Variants in ALCAM observed in about 807,000 individuals in gnomAD.
The protein encoded by ALCAM is activated leukocyte cell adhesion molecule.
A neutral mutation model predicts 70.9 loss-of-function variants in ALCAM; 30 were observed. The observed-to-expected ratio is 0.42, with a 90% CI of 0.32 to 0.57. The LOEUF (loss-of-function observed/expected upper bound fraction) is 0.57. Ranked by LOEUF, ALCAM falls within the 20% of genes least tolerant of loss-of-function variation. ALCAM has a pLI of 0.11. For synonymous variants in ALCAM, 249 were observed against 242.5 expected (o/e 1.03, Z -0.25); for missense variants, 591 against 695.1 (o/e 0.85, Z 1.68).
intron 1 of ALCAM, among the ~76,000 whole-genome samples, chr3:105,398,347 A>G (rs1170882501): frequency 6.6e-6 from 1 of 152,118 alleles, no homozygotes; most frequent in East Asian, 1.9e-4. Flanking sequence ...TGGTATGTGG[A>G]TAGTGCACAA....
Position 105,533,544 on chromosome 3 carries a change from T to C in ALCAM, c.460-59T>C. 5 of 1,485,710 alleles carry C rather than the reference T, an allele frequency of 3.4e-6. No individual in the cohort carries two copies. In the South Asian group the frequency reaches 5.7e-5, roughly 17 times the overall value. The allele number at this position is 1,485,710 out of a possible 1,614,324, so 92.0% of individuals were successfully genotyped here. On this transcript the variant is annotated intron_variant, in intron 4 of 15. Coordinates refer to ENST00000306107, the MANE Select transcript of ALCAM (RefSeq NM_001627.4). ...TCTGCATTGCCTGAGTTTCTGGAGTTTCCAAATTGACAGCCCCTGATTGAA... is the reference window on the plus strand; with the variant it reads ...TCTGCATTGCCTGAGTTTCTGGAGTCTCCAAATTGACAGCCCCTGATTGAA...
chr3:105,452,834 CT>C (rs1212620163), intron 1 of ALCAM, among the ~76,000 whole-genome samples: 3 of 152,152 alleles, frequency 2.0e-5, no homozygotes, highest in Non-Finnish European at 2.9e-5. Flanking sequence ...TGATGATGAG[CT>C]TTTTTTCATA....
Position 105,574,674 on chromosome 3 carries a change from A to G in ALCAM, c.*223A>G, listed in dbSNP as rs1382554932. On this transcript the variant is annotated 3_prime_UTR_variant, in exon 16 of 16. Transcript: ENST00000306107. ...ATAAGAACAAGTTTTGGCAGCCATG[A>G]TAATAGGTCATATGTTGTGTTTGGT... 1 of 152,608 alleles carries G rather than the reference A, an allele frequency of 6.6e-6. No individual in the cohort carries two copies. The highest frequency in any genetic ancestry group is 2.4e-5 in the African/African-American group (1 of 41,446). 9.5% of individuals were successfully genotyped at this position (152,608 alleles called of 1,614,324 possible).
In ALCAM at chr3:105,552,551, G is replaced by C; in HGVS notation, c.1630G>C (p.Gly544Arg). 6.2e-7 allele frequency: 1 copy of C among 1,611,612 alleles called. No homozygotes were observed. The highest frequency in any genetic ancestry group is 8.5e-7 in the Non-Finnish European group (1 of 1,178,282). ...TCTCCTCCTTGCTGCCCTTGTTGCT[G>C]GTGTCGTCTACTGGCTGTACATGAA... ...VGLLLAALVA[G>R]VVYWLYMKKS... Residue 544 changes from glycine (G) to arginine (R), a missense_variant, in exon 14 of 16, where the codon GGT becomes CGT. Coordinates refer to ENST00000306107, the MANE Select transcript of ALCAM (RefSeq NM_001627.4).
intron 1 of ALCAM, among the ~76,000 whole-genome samples, chr3:105,406,129 G>A (rs1559780576): frequency 6.6e-6 from 1 of 152,156 alleles, no homozygotes. Flanking sequence ...TAAGGTCTGA[G>A]TCCTGAAGAC....
At chr3:105,455,441 CA>C (rs66472811) in intron 1 of ALCAM, among the ~76,000 whole-genome samples, 27,853 of 125,858 alleles carry the variant, frequency 0.22, 2,599 homozygotes, top group Admixed American at 0.39. Context: ...GACACCGTCT[CA>C]AAAAAAAAAA....
intron 1 of ALCAM, among the ~76,000 whole-genome samples, chr3:105,388,861 G>A (rs991346268): frequency 6.6e-6 from 1 of 151,412 alleles, no homozygotes; most frequent in African/African-American, 2.4e-5. Flanking sequence ...TTACAATCAC[G>A]TTTTAGATAG....
chr3:105,483,611 A>G (rs1157308405), intron 1 of ALCAM, among the ~76,000 whole-genome samples: 2 of 152,254 alleles, frequency 1.3e-5, no homozygotes, highest in African/African-American at 4.8e-5. Flanking sequence ...AGCAATTGCA[A>G]ATGTGGGGCT....
chr3:105,568,561 T>A (rs982525548), intron 14 of ALCAM, among the ~76,000 whole-genome samples: 1 of 152,214 alleles, frequency 6.6e-6, no homozygotes, highest in African/African-American at 2.4e-5. Flanking sequence ...TCCACTAAGC[T>A]CTTTGAAATT....
chr3:105,379,582 T>A (rs1033558227), intron 1 of ALCAM, among the ~76,000 whole-genome samples: 2 of 151,786 alleles, frequency 1.3e-5, no homozygotes, highest in Non-Finnish European at 3.0e-5. Context: ...AATTTGAAAA[T>A]ATTAGAACTT....
At chr3:105,552,370 A>G (rs371952681) in intron 13 of ALCAM, 98 bp from the exon 14 acceptor site, 2 of 1,364,658 alleles carry the variant, frequency 1.5e-6, no homozygotes, top group South Asian at 2.4e-5. Context: ...TACTGTAGTG[A>G]GCTTTAGTCA....
chr3:105,489,817 T>C (rs1344190423), intron 1 of ALCAM, among the ~76,000 whole-genome samples: 2 of 134,882 alleles, frequency 1.5e-5, no homozygotes, highest in Non-Finnish European at 3.1e-5. Flanking sequence ...CTCTGAACAC[T>C]ATCCTGACAT....
At chr3:105,513,017 C>T (rs1344275991) in intron 1 of ALCAM, among the ~76,000 whole-genome samples, 5 of 151,682 alleles carry the variant, frequency 3.3e-5, no homozygotes, top group Admixed American at 6.6e-5. Context: ...AAAATAGAGG[C>T]GATTGTTCTT....
chr3:105,550,129 A>T lies in ALCAM; in HGVS notation c.1377A>T (p.Thr459=). The T allele has an allele frequency of 6.3e-7, 1 of 1,580,406 alleles. No individual in the cohort carries two copies. The highest frequency in any genetic ancestry group is 8.6e-7 in the Non-Finnish European group (1 of 1,158,730). The change falls in exon 12 of 16, where the codon ACA becomes ACT. Residue 459 remains threonine (T), a splice_region_variant and synonymous_variant. Coordinates refer to ENST00000306107, the MANE Select transcript of ALCAM (RefSeq NM_001627.4). ...CACCTTTTTTCTTCTTTTTCCAGAC[A>T]GAGGAATCTCCTTATATTAATGGCA... ...ITGSGSVINQ[T]EESPYINGRY...
rs556432015 is a variant in ALCAM at position 105,368,143 on chromosome 3, G to A, written c.73+662G>A. Among the ~76,000 whole-genome samples the A allele has an allele frequency of 4.0e-5, 6 of 150,456 alleles. No individual in the cohort carries two copies. The East Asian group carries it at 1.2e-3, about 30-fold the overall frequency. ...AACAGGAATTAGTAGGTAGGCCTGG[G>A]AGACACCTCAGTGAGAGGTTTGTGA... On this transcript the variant is annotated intron_variant, in intron 1 of 15. Transcript: ENST00000306107.
At chr3:105,572,314 A>G (rs913660206) in intron 15 of ALCAM, among the ~76,000 whole-genome samples, 2 of 151,824 alleles carry the variant, frequency 1.3e-5, no homozygotes, top group African/African-American at 4.8e-5. Context: ...ACTCCCACTT[A>G]TGAGTGAAAA....
At chr3:105,403,466 A>G (rs910978646) in intron 1 of ALCAM, among the ~76,000 whole-genome samples, 3 of 152,160 alleles carry the variant, frequency 2.0e-5, no homozygotes, top group African/African-American at 7.2e-5. Flanking sequence ...CTGGGTTGCC[A>G]GACCTAGAAG....
chr3:105,384,675 T>A (rs1275612991), intron 1 of ALCAM, among the ~76,000 whole-genome samples: 1 of 151,594 alleles, frequency 6.6e-6, no homozygotes, highest in Non-Finnish European at 1.5e-5. Context: ...TTACCACTGA[T>A]AACTCTCGTT....
At chr3:105,565,100 A>G (rs1387847820) in intron 14 of ALCAM, among the ~76,000 whole-genome samples, 1 of 152,198 alleles carries the variant, frequency 6.6e-6, no homozygotes, top group South Asian at 2.1e-4. Flanking sequence ...GCAATGAGCT[A>G]TAATTGTACC....
Sources: gnomAD v4.1 joint callset for allele counts (sites outside exome capture counted in the v4.1 genomes callset) on GRCh38, gnomAD v4.1.1 for gene constraint, MANE v1.5 for transcripts, NCBI Gene and HGNC (gene_info 2026-07-23, HGNC 2026-07-21) for gene names.